Variants in CNTN4 observed in about 807,000 individuals in gnomAD.
CNTN4 encodes the protein contactin 4, also known as contactin-4.
In CNTN4, 77 loss-of-function variants were observed where a neutral mutation model predicts 122.5. The ratio of observed to expected loss-of-function variants is 0.63; its 90% CI spans 0.52 to 0.76. CNTN4 has a LOEUF of 0.76. Ranked by LOEUF, CNTN4 falls within the 30% of genes least tolerant of loss-of-function variation. CNTN4 has a pLI of 0.00. For missense variants in CNTN4, 1,256 were observed against 1,259.1 expected (o/e 1.00, Z 0.04); for synonymous variants, 512 against 447.0 (o/e 1.15, Z -1.83).
chr3:2,117,015 C>G (rs556245733), intron 2 of CNTN4, among the ~76,000 whole-genome samples: 1 of 152,142 alleles, frequency 6.6e-6, no homozygotes, highest in Non-Finnish European at 1.5e-5. Context: ...CCAGCAGACA[C>G]TAACTCAGCG....
chr3:2,981,787 G>A (rs1694045644), intron 13 of CNTN4, among the ~76,000 whole-genome samples: 1 of 152,080 alleles, frequency 6.6e-6, no homozygotes, highest in South Asian at 2.1e-4. Context: ...GCTCACTCCT[G>A]GCATCTGAGC....
intron 4 of CNTN4, chr3:2,629,463 G>A (rs1016725451): frequency 2.6e-6 from 1 of 387,772 alleles, no homozygotes; most frequent in African/African-American, 2.1e-5. Context: ...ATCACCACTT[G>A]GTTTCTGAAT....
chr3:2,533,274 TC>T (rs2077668441), intron 3 of CNTN4, among the ~76,000 whole-genome samples: 1 of 151,980 alleles, frequency 6.6e-6, no homozygotes, highest in Non-Finnish European at 1.5e-5. Context: ...CCTAATGCTT[TC>T]CCTCCCCCTC....
intron 3 of CNTN4, among the ~76,000 whole-genome samples, chr3:2,420,470 C>A (rs2047573826): frequency 6.6e-6 from 1 of 151,722 alleles, no homozygotes; most frequent in Non-Finnish European, 1.5e-5. Flanking sequence ...GAGTCTCACT[C>A]TGTCCCCCAG....
intron 3 of CNTN4, among the ~76,000 whole-genome samples, chr3:2,415,033 A>G (rs1273103801): frequency 6.6e-6 from 1 of 152,202 alleles, no homozygotes; most frequent in Non-Finnish European, 1.5e-5. Context: ...TAAGTATAAT[A>G]CAAGTGTAGG....
At chr3:2,562,855 C>G (rs2079015059) in intron 3 of CNTN4, among the ~76,000 whole-genome samples, 1 of 152,070 alleles carries the variant, frequency 6.6e-6, no homozygotes, top group South Asian at 2.1e-4. Context: ...TCACAAGTAA[C>G]TGGGGCTAAA....
At chr3:2,172,483 C>T (rs2036559910) in intron 2 of CNTN4, among the ~76,000 whole-genome samples, 1 of 152,022 alleles carries the variant, frequency 6.6e-6, no homozygotes, top group South Asian at 2.1e-4. Context: ...GCAACAAAAT[C>T]CCGGAAATCA....
intron 3 of CNTN4, among the ~76,000 whole-genome samples, chr3:2,444,871 A>G (rs1415006262): frequency 6.6e-6 from 1 of 152,018 alleles, no homozygotes; most frequent in Non-Finnish European, 1.5e-5. Flanking sequence ...AGTTACACAT[A>G]TTGTTATTGG....
At chr3:2,204,121 C>T (rs563963366) in intron 2 of CNTN4, among the ~76,000 whole-genome samples, 1 of 151,964 alleles carries the variant, frequency 6.6e-6, no homozygotes, top group Non-Finnish European at 1.5e-5. Flanking sequence ...TTTTTATATT[C>T]ATTCATTGTT....
intron 2 of CNTN4, among the ~76,000 whole-genome samples, chr3:2,336,655 C>G (rs2043967100): frequency 6.6e-6 from 1 of 152,056 alleles, no homozygotes; most frequent in Admixed American, 6.6e-5. Flanking sequence ...ATATGCCAGG[C>G]AAAATGATAG....
intron 7 of CNTN4, among the ~76,000 whole-genome samples, chr3:2,858,876 C>G (rs2093644479): frequency 6.6e-6 from 1 of 152,150 alleles, no homozygotes; most frequent in African/African-American, 2.4e-5. Context: ...TGCTCATTAA[C>G]ATGTTCATTA....
At chr3:2,304,518 G>A (rs1175801318) in intron 2 of CNTN4, among the ~76,000 whole-genome samples, 1 of 152,046 alleles carries the variant, frequency 6.6e-6, no homozygotes, top group Non-Finnish European at 1.5e-5. Flanking sequence ...GGGAGGAAAG[G>A]GGTGTTATAT....
chr3:2,738,122 T>G (rs971243042), intron 5 of CNTN4, among the ~76,000 whole-genome samples: 1 of 152,010 alleles, frequency 6.6e-6, no homozygotes, highest in African/African-American at 2.4e-5. Flanking sequence ...CCAAACTAAT[T>G]GAAACTTTCA....
At position 2,696,674 on chromosome 3, in the gene CNTN4, C is replaced by CAGTA. The variant is rs2086051244; in HGVS notation, c.56-39540_56-39537dup. 5.9e-5 allele frequency among the ~76,000 whole-genome samples: 9 copies of CAGTA among 152,296 alleles called. No homozygotes were observed. The South Asian group carries it at 1.9e-3, about 32-fold the overall frequency. Reference sequence around the variant, plus strand: ...TTATAGAATCCCAAAGGGACTGAGACAGTATAGTTATAAATCAATGTCAAG... The same window carrying CAGTA: ...TTATAGAATCCCAAAGGGACTGAGACAGTAAGTATAGTTATAAATCAATGTCAAG... On this transcript the variant is annotated intron_variant, in intron 4 of 24. Coordinates refer to ENST00000418658, the MANE Select transcript of CNTN4 (RefSeq NM_175607.3).
chr3:2,547,904 T>C (rs1236335830), intron 3 of CNTN4, among the ~76,000 whole-genome samples: 3 of 152,124 alleles, frequency 2.0e-5, no homozygotes, highest in Non-Finnish European at 4.4e-5. Context: ...GTATTAAAGC[T>C]AACTGAAGAA....
intron 2 of CNTN4, among the ~76,000 whole-genome samples, chr3:2,321,672 A>C (rs1291468909): frequency 6.6e-6 from 1 of 151,402 alleles, no homozygotes; most frequent in Admixed American, 6.6e-5. Context: ...TTGATGTTAG[A>C]CGACCTAGTA....
At chr3:2,138,335 C>T (rs543486517) in intron 2 of CNTN4, among the ~76,000 whole-genome samples, 13 of 151,982 alleles carry the variant, frequency 8.6e-5, no homozygotes, top group Non-Finnish European at 1.2e-4. Flanking sequence ...CCCAAAGTGC[C>T]GGGATTACAG....
intron 3 of CNTN4, among the ~76,000 whole-genome samples, chr3:2,430,189 C>T (rs1427658554): frequency 6.6e-6 from 1 of 151,842 alleles, no homozygotes; most frequent in Non-Finnish European, 1.5e-5. Flanking sequence ...TTTGGGAGGC[C>T]GAGGCGGGTG....
At chr3:2,878,880 A>G (rs1398882111) in intron 8 of CNTN4, among the ~76,000 whole-genome samples, 1 of 152,198 alleles carries the variant, frequency 6.6e-6, no homozygotes, top group Non-Finnish European at 1.5e-5. Context: ...GCAAGACAGT[A>G]GTAGAGAATA....
Sources: gnomAD v4.1 joint callset for allele counts (sites outside exome capture counted in the v4.1 genomes callset) on GRCh38, gnomAD v4.1.1 for gene constraint, MANE v1.5 for transcripts, NCBI Gene and HGNC (gene_info 2026-07-23, HGNC 2026-07-21) for gene names.